Variants in MIR2052HG observed in about 807,000 individuals in gnomAD.
The protein encoded by MIR2052HG is MIR2052 host gene.
At chr8:74,613,953 A>G (rs1432134193) in intron 2 of MIR2052HG, among the ~76,000 whole-genome samples, 1 of 152,226 alleles carries the variant, frequency 6.6e-6, no homozygotes, top group East Asian at 1.9e-4. Context: ...TGATGGAGAC[A>G]GTAGTTTTAT....
At chr8:74,681,387 A>T (rs185671734) in intron 2 of MIR2052HG, among the ~76,000 whole-genome samples, 4 of 152,252 alleles carry the variant, frequency 2.6e-5, no homozygotes, top group Admixed American at 1.3e-4. Flanking sequence ...TTTCTAATAA[A>T]GTATAACAAA....
At chr8:74,679,738 C>T (rs1809099421) in intron 2 of MIR2052HG, among the ~76,000 whole-genome samples, 1 of 151,784 alleles carries the variant, frequency 6.6e-6, no homozygotes, top group African/African-American at 2.4e-5. Context: ...GATGGGGTTT[C>T]ACCATGTTCG....
At chr8:74,654,526 G>A (rs1298557573) in intron 2 of MIR2052HG, among the ~76,000 whole-genome samples, 1 of 152,102 alleles carries the variant, frequency 6.6e-6, no homozygotes, top group Non-Finnish European at 1.5e-5. Context: ...TCTCATGGTA[G>A]TGAATAAGTC....
intron 2 of MIR2052HG, among the ~76,000 whole-genome samples, chr8:74,671,130 G>GTGTT (rs1037561581): frequency 1.3e-5 from 2 of 151,972 alleles, no homozygotes; most frequent in African/African-American, 4.8e-5. Context: ...GTGTGTGTGT[G>GTGTT]TGTGTGTAGG....
intron 1 of MIR2052HG, chr8:74,612,369 CTTA>C (rs1197500220): frequency 6.4e-6 from 1 of 157,434 alleles, no homozygotes; most frequent in Non-Finnish European, 1.4e-5. Flanking sequence ...CATATCTTCA[CTTA>C]TTAGTGTCTG....
chr8:74,653,506 C>T (rs1808773634), intron 2 of MIR2052HG, among the ~76,000 whole-genome samples: 1 of 152,064 alleles, frequency 6.6e-6, no homozygotes, highest in African/African-American at 2.4e-5. Flanking sequence ...TCATGCTAAT[C>T]AAAGATTAAA....
chr8:74,728,505 T>G (rs2128754617), intron 4 of MIR2052HG, among the ~76,000 whole-genome samples: 1 of 152,316 alleles, frequency 6.6e-6, no homozygotes, highest in South Asian at 2.1e-4. Context: ...TATACAATGG[T>G]GCACGATCTT....
chr8:74,715,608 T>G (rs1809512239), intron 4 of MIR2052HG, among the ~76,000 whole-genome samples: 1 of 152,038 alleles, frequency 6.6e-6, no homozygotes, highest in Non-Finnish European at 1.5e-5. Flanking sequence ...CACAGACAAA[T>G]AGATTAAAAA....
intron 4 of MIR2052HG, among the ~76,000 whole-genome samples, chr8:74,735,404 A>ACAG (rs1216792122): frequency 6.6e-6 from 1 of 152,166 alleles, no homozygotes; most frequent in Non-Finnish European, 1.5e-5. Context: ...TAGAAAGTAT[A>ACAG]CAGTCCTCAT....
In MIR2052HG at chr8:74,708,042, TAA is replaced by T. The variant is rs1809429041; in HGVS notation, n.371+4362_371+4363del. Among the ~76,000 whole-genome samples the T allele has an allele frequency of 2.0e-5, 3 of 152,020 alleles. No individual in the cohort carries two copies. In the South Asian group the frequency reaches 6.2e-4, roughly 31 times the overall value. ...CTCCCCCATTAAAAGTTAAAAAAAG[TAA>T]AGAGGAAGACCTAGAGGAAGTTCTT... On this transcript the variant is annotated intron_variant and non_coding_transcript_variant, in intron 4 of 6. Coordinates refer to ENST00000523442, the Ensembl canonical transcript of MIR2052HG.
intron 2 of MIR2052HG, among the ~76,000 whole-genome samples, chr8:74,636,793 C>T (rs1808586434): frequency 6.6e-6 from 1 of 152,024 alleles, no homozygotes. Flanking sequence ...ATACAAAATA[C>T]CTTTTATGTG....
At chr8:74,691,272 G>A (rs1252932912) in intron 2 of MIR2052HG, among the ~76,000 whole-genome samples, 1 of 152,114 alleles carries the variant, frequency 6.6e-6, no homozygotes, top group Non-Finnish European at 1.5e-5. Context: ...GAGTTCCTTG[G>A]GACCAGATTC....
At chr8:74,696,553 A>G (rs1809298508) in intron 2 of MIR2052HG, among the ~76,000 whole-genome samples, 1 of 152,194 alleles carries the variant, frequency 6.6e-6, no homozygotes, top group African/African-American at 2.4e-5. Flanking sequence ...AAAGATAAAT[A>G]AAATGGGTAG....
In MIR2052HG at chr8:74,649,686, A is replaced by C. The variant is rs140507620; in HGVS notation, n.216+36746A>C. Among the ~76,000 whole-genome samples the C allele has an allele frequency of 3.9e-3, 591 of 152,164 alleles. 2 individuals carry two copies. The highest frequency in any genetic ancestry group is 4.8e-3 in the Non-Finnish European group (327 of 67,994). The stretch of plus-strand genomic sequence containing the variant: ...AAATGCCTATGTGTAAAAAATCTAC[A>C]CTTTTACCTATTTAGTGTCACTGTG... On this transcript the variant is annotated intron_variant and non_coding_transcript_variant, in intron 2 of 6. Transcript: ENST00000523442.
intron 2 of MIR2052HG, among the ~76,000 whole-genome samples, chr8:74,686,097 A>G (rs1563531606): frequency 7.0e-6 from 1 of 143,326 alleles, no homozygotes; most frequent in Non-Finnish European, 1.5e-5. Flanking sequence ...ATCTCTGGAG[A>G]TTTTTTTTTT....
At position 74,641,070 on chromosome 8, in the gene MIR2052HG, A is replaced by G. The variant is rs530760769; in HGVS notation, n.216+28130A>G. 3.3e-5 allele frequency among the ~76,000 whole-genome samples: 5 copies of G among 152,300 alleles called. No individual in the cohort carries two copies. In the South Asian group the frequency reaches 1.0e-3, roughly 32 times the overall value. On this transcript the variant is annotated intron_variant and non_coding_transcript_variant, in intron 2 of 6. Coordinates refer to ENST00000523442, the Ensembl canonical transcript of MIR2052HG. The stretch of plus-strand genomic sequence containing the variant: ...GGTGTTAAGTATAAATGAAATGCAA[A>G]GGGTGAGTACGATAATTACAAAATT...
chr8:74,703,770 A>G, intron 4 of MIR2052HG: 4 of 384,516 alleles, frequency 1.0e-5, no homozygotes, highest in South Asian at 6.1e-5. Context: ...TCATACCACC[A>G]TGAGTCTAGT....
In MIR2052HG at chr8:74,661,640, G is replaced by A. The variant is rs181460420; in HGVS notation, n.217-40739G>A. On this transcript the variant is annotated intron_variant and non_coding_transcript_variant, in intron 2 of 6. Transcript: ENST00000523442. ...ATTTTTATGTGGAATTTTATAAAGAGTAATGATTTCTTCCACATGTTGTAT... is the reference window on the plus strand; with the variant it reads ...ATTTTTATGTGGAATTTTATAAAGAATAATGATTTCTTCCACATGTTGTAT... Among the ~76,000 whole-genome samples, 168 of 152,276 alleles carry A rather than the reference G, an allele frequency of 1.1e-3. 1 individual carries two copies. The highest frequency in any genetic ancestry group is 3.1e-3 in the African/African-American group (129 of 41,560).
intron 2 of MIR2052HG, among the ~76,000 whole-genome samples, chr8:74,677,605 C>A (rs951617055): frequency 4.0e-5 from 6 of 151,612 alleles, no homozygotes; most frequent in Admixed American, 6.6e-5. Flanking sequence ...GGTCAAAAAC[C>A]AGAAGTAATA....
Sources: allele counts gnomAD v4.1 joint callset (sites outside exome capture counted in the v4.1 genomes callset), GRCh38; gene constraint gnomAD v4.1.1; transcripts MANE v1.5; gene names NCBI Gene and HGNC (gene_info 2026-07-23, HGNC 2026-07-21).